Variants in PHF21B observed in about 807,000 individuals in gnomAD.
PHF21B encodes PHD finger protein 4.
A neutral mutation model predicts 62.2 loss-of-function variants in PHF21B; 22 were observed. The observed-to-expected ratio is 0.35, with a 90% CI of 0.25 to 0.51. The LOEUF is 0.51. Among genes scored for constraint, PHF21B ranks in the 20% least tolerant of loss-of-function variants. The probability of loss-of-function intolerance (pLI) is 0.97; values close to 1 mark genes in which losing one functional copy is unlikely to be tolerated. For synonymous variants in PHF21B, 341 were observed against 314.7 expected (o/e 1.08, Z -0.88); for missense variants, 701 against 707.9 (o/e 0.99, Z 0.11).
chr22:44,961,019 C>G (rs546373979), intron 2 of PHF21B, among the ~76,000 whole-genome samples: 2 of 139,426 alleles, frequency 1.4e-5, no homozygotes, highest in South Asian at 4.7e-4. Flanking sequence ...TGCAGTGGCG[C>G]GATCTCGGCT....
At chr22:44,902,258 G>T in intron 5 of PHF21B, 1 of 231,018 alleles carries the variant, frequency 4.3e-6, no homozygotes, top group South Asian at 6.3e-5. Context: ...TGAGCTCTTC[G>T]ACACACAAAC....
At chr22:44,926,028 T>C (rs2071623012) in intron 2 of PHF21B, among the ~76,000 whole-genome samples, 1 of 151,294 alleles carries the variant, frequency 6.6e-6, no homozygotes, top group African/African-American at 2.4e-5. Flanking sequence ...AAGCAAGCCC[T>C]GTGGTGGGAA....
In PHF21B at chr22:44,933,592, G is replaced by A. The variant is rs537167885; in HGVS notation, c.121-13102C>T. The A allele has an allele frequency of 1.5e-5, 14 of 959,306 alleles. No individual in the cohort carries two copies. The South Asian group carries it at 3.4e-4, about 23-fold the overall frequency. The allele number at this position is 959,306 out of a possible 1,614,324, so 59.4% of individuals were successfully genotyped here. A position where few individuals can be genotyped will look rare whatever the true frequency, so the allele number is the denominator to read the frequency against. ...CAACGGAAGTGCACGGGAAGGTCTC[G>A]GCTACATAGAAGGGGTAAGCGTTAA... On this transcript the variant is annotated intron_variant, in intron 2 of 12. Transcript: ENST00000313237.
At chr22:44,888,171 G>A (rs557414305) in intron 9 of PHF21B, 50 bp from the exon 10 acceptor site, 48 of 1,439,104 alleles carry the variant, frequency 3.3e-5, no homozygotes, top group Middle Eastern at 2.5e-4. Context: ...CCAGGGCAGC[G>A]GGGGCCGGTC....
chr22:44,978,267 C>T (rs1180514577), intron 2 of PHF21B, among the ~76,000 whole-genome samples: 1 of 152,220 alleles, frequency 6.6e-6, no homozygotes, highest in Non-Finnish European at 1.5e-5. Context: ...ACTCCTCACA[C>T]CCAGGAGCCC....
intron 2 of PHF21B, among the ~76,000 whole-genome samples, chr22:44,948,706 A>AG (rs1263660337): frequency 4.6e-5 from 7 of 151,588 alleles, no homozygotes; most frequent in African/African-American, 9.7e-5. Flanking sequence ...AAAAAAAAAA[A>AG]AGAGAGACAG....
At chr22:44,965,941 G>A (rs1279850428) in intron 2 of PHF21B, among the ~76,000 whole-genome samples, 1 of 152,180 alleles carries the variant, frequency 6.6e-6, no homozygotes, top group African/African-American at 2.4e-5. Context: ...AAGGAGGTGA[G>A]CCCCATCCAG....
intron 3 of PHF21B, 135 bp downstream of exon 3, chr22:44,920,263 G>A (rs1016487564): frequency 1.9e-6 from 1 of 518,494 alleles, no homozygotes; most frequent in Admixed American, 3.7e-5. Flanking sequence ...GAGGTAAGAG[G>A]GGAAGGTGCA....
At chr22:44,997,500 C>T (rs1008418336) in intron 2 of PHF21B, among the ~76,000 whole-genome samples, 4 of 152,058 alleles carry the variant, frequency 2.6e-5, no homozygotes, top group African/African-American at 7.2e-5. Flanking sequence ...CAAATAATTC[C>T]GGCATTTATC....
intron 2 of PHF21B, among the ~76,000 whole-genome samples, chr22:44,985,234 A>G (rs1184882794): frequency 6.6e-6 from 1 of 152,214 alleles, no homozygotes; most frequent in Non-Finnish European, 1.5e-5. Flanking sequence ...CACACCCACT[A>G]TTTATTCATT....
intron 5 of PHF21B, among the ~76,000 whole-genome samples, chr22:44,907,031 G>A (rs1274665224): frequency 6.6e-6 from 1 of 152,168 alleles, no homozygotes; most frequent in African/African-American, 2.4e-5. Context: ...ACACCTGTAG[G>A]TACATACATG....
chr22:44,927,445 C>T (rs1402835717), intron 2 of PHF21B, among the ~76,000 whole-genome samples: 1 of 152,082 alleles, frequency 6.6e-6, no homozygotes, highest in Non-Finnish European at 1.5e-5. Context: ...GCCCCAGCAC[C>T]AAAGGAGAGA....
At chr22:44,901,888 G>A (rs767446089) in intron 5 of PHF21B, 16 of 249,734 alleles carry the variant, frequency 6.4e-5, no homozygotes, top group East Asian at 4.3e-4. Flanking sequence ...GGTGGTACCC[G>A]GCTGGTTCAA....
At chr22:44,896,292 C>A (rs1601575178) in intron 5 of PHF21B, among the ~76,000 whole-genome samples, 2 of 152,104 alleles carry the variant, frequency 1.3e-5, no homozygotes, top group African/African-American at 2.4e-5. Context: ...TTTGGAGGGC[C>A]TCCTTGAAAA....
intron 3 of PHF21B, among the ~76,000 whole-genome samples, chr22:44,917,109 C>G (rs1484541746): frequency 6.6e-6 from 1 of 152,222 alleles, no homozygotes; most frequent in East Asian, 1.9e-4. Flanking sequence ...TGCTGCGCTC[C>G]CGTGAAAACC....
At chr22:44,950,313 C>T (rs1366024383) in intron 2 of PHF21B, among the ~76,000 whole-genome samples, 1 of 152,240 alleles carries the variant, frequency 6.6e-6, no homozygotes, top group Non-Finnish European at 1.5e-5. Flanking sequence ...AACAATTGTG[C>T]CTCAATACCC....
chr22:44,946,026 G>A (rs1601629317), intron 2 of PHF21B, among the ~76,000 whole-genome samples: 1 of 152,130 alleles, frequency 6.6e-6, no homozygotes, highest in Admixed American at 6.6e-5. Flanking sequence ...AGTGTGCCAA[G>A]CACCCAGAAC....
intron 5 of PHF21B, among the ~76,000 whole-genome samples, chr22:44,912,395 T>G (rs1004010391): frequency 6.6e-6 from 1 of 152,176 alleles, no homozygotes; most frequent in African/African-American, 2.4e-5. Context: ...TCATCTTGAA[T>G]TCCCACATGT....
chr22:44,967,361 C>T (rs570000434), intron 2 of PHF21B, among the ~76,000 whole-genome samples: 1 of 151,962 alleles, frequency 6.6e-6, no homozygotes, highest in Admixed American at 6.6e-5. Flanking sequence ...GCTGGGACTA[C>T]AGGTGCCCAT....
Sources: allele counts gnomAD v4.1 joint callset (sites outside exome capture counted in the v4.1 genomes callset), GRCh38; gene constraint gnomAD v4.1.1; transcripts MANE v1.5; gene names NCBI Gene and HGNC (gene_info 2026-07-23, HGNC 2026-07-21).